Variants in PARD3B observed in about 807,000 individuals in gnomAD.
PARD3B encodes the protein par-3 family cell polarity regulator beta.
PARD3B carries 103 observed loss-of-function variants against 130.2 expected under a neutral mutation model. The ratio of observed to expected loss-of-function variants is 0.79; its 90% CI spans 0.67 to 0.93. The LOEUF (loss-of-function observed/expected upper bound fraction) is 0.93, where lower values mean the gene tolerates loss of function less well. PARD3B is among the 40% of genes least tolerant of loss of function. The pLI is 0.00. For synonymous variants in PARD3B, 583 were observed against 553.2 expected, an observed-to-expected ratio of 1.05 and a Z score of -0.76; for missense variants, 1,609 against 1,499.2, an observed-to-expected ratio of 1.07 and a Z score of -1.21.
At chr2:205,387,540 C>T (rs1371161230) in intron 18 of PARD3B, among the ~76,000 whole-genome samples, 2 of 152,080 alleles carry the variant, frequency 1.3e-5, no homozygotes, top group Non-Finnish European at 2.9e-5. Context: ...AGGATGGGTC[C>T]TGGAGAGTGT....
chr2:204,939,124 AT>A (rs199596778), intron 2 of PARD3B, among the ~76,000 whole-genome samples: 5 of 151,414 alleles, frequency 3.3e-5, no homozygotes, highest in East Asian at 1.9e-4. Context: ...TCACAAGTGC[AT>A]TTTTTTTTCT....
rs867128835 is a variant in PARD3B at position 205,563,103 on chromosome 2, T to C, written c.3260+9700T>C. On this transcript the variant is annotated intron_variant, in intron 22 of 22. Transcript: ENST00000406610. This position sits in a 1 kb window ranked among gnomAD's most constrained non-coding sequence, Gnocchi z 4.2. ...CCTCACCAAATGCATGAATACATGA[T>C]ATTATTCAACAGGAGTAATTAACAG... Among the ~76,000 whole-genome samples, 1 of 152,236 alleles carries C rather than the reference T, an allele frequency of 6.6e-6. No homozygotes were observed. The highest frequency in any genetic ancestry group is 2.4e-5 in the African/African-American group (1 of 41,462).
chr2:205,411,902 A>G (rs1056983934), intron 19 of PARD3B, among the ~76,000 whole-genome samples: 30 of 152,180 alleles, frequency 2.0e-4, no homozygotes, highest in Non-Finnish European at 4.3e-4. Context: ...GAAGGGACAC[A>G]AATGGTGTGG....
chr2:204,622,943 G>T (rs886812823), intron 1 of PARD3B, among the ~76,000 whole-genome samples: 9 of 152,144 alleles, frequency 5.9e-5, no homozygotes, highest in African/African-American at 1.9e-4. Context: ...AGTGAATATA[G>T]ATATTTCTAA....
chr2:205,493,952 G>T (rs1369341676), intron 20 of PARD3B, among the ~76,000 whole-genome samples: 1 of 151,754 alleles, frequency 6.6e-6, no homozygotes, highest in East Asian at 1.9e-4. Flanking sequence ...GTAGAGATGG[G>T]GTTTCACCAT....
intron 4 of PARD3B, among the ~76,000 whole-genome samples, chr2:205,053,588 C>A (rs928495464): frequency 6.7e-6 from 1 of 150,322 alleles, no homozygotes; most frequent in Admixed American, 6.7e-5. Flanking sequence ...TCCAGTGAGC[C>A]AAGATCGTGT....
chr2:204,662,498 A>G (rs1236986990), intron 1 of PARD3B, among the ~76,000 whole-genome samples: 5 of 152,206 alleles, frequency 3.3e-5, no homozygotes, highest in Non-Finnish European at 7.3e-5. Flanking sequence ...TGTTCCATGA[A>G]AACAGCAGGT....
Position 205,160,134 on chromosome 2 carries a change from G to A in PARD3B, c.1620+1227G>A, listed in dbSNP as rs1168769419. 1.3e-5 allele frequency among the ~76,000 whole-genome samples: 2 copies of A among 152,148 alleles called. No homozygotes were observed. Among genetic ancestry groups the A allele is most frequent in the Non-Finnish European group, 2.9e-5 (2 of 68,028 alleles). On this transcript the variant is annotated intron_variant, in intron 11 of 22. Coordinates refer to ENST00000406610, the MANE Select transcript of PARD3B (RefSeq NM_001302769.2). This position sits in a 1 kb window ranked among gnomAD's most constrained non-coding sequence, Gnocchi z 4.0. ...ATGCCTTTTTCACTGGGAAATAAAT[G>A]TACTTTGGACAGACACCTCTTCAGT... is the stretch of plus-strand genomic sequence containing the variant.
At chr2:204,575,955 G>A (rs2032237224) in intron 1 of PARD3B, among the ~76,000 whole-genome samples, 1 of 152,174 alleles carries the variant, frequency 6.6e-6, no homozygotes, top group South Asian at 2.1e-4. Context: ...TACATGGCTT[G>A]TAGGTCCTGC....
chr2:205,524,522 C>G (rs1437343757), intron 21 of PARD3B, among the ~76,000 whole-genome samples: 1 of 152,184 alleles, frequency 6.6e-6, no homozygotes, highest in Non-Finnish European at 1.5e-5. Flanking sequence ...GCCCTGACTT[C>G]TTTTTGGCCC....
intron 2 of PARD3B, among the ~76,000 whole-genome samples, chr2:204,814,926 G>A (rs1409249078): frequency 6.6e-6 from 1 of 151,738 alleles, no homozygotes; most frequent in Non-Finnish European, 1.5e-5. Flanking sequence ...ATTGTAATAA[G>A]TTCCACTTAG....
chr2:205,595,232 G>A (rs2054526005), intron 22 of PARD3B, among the ~76,000 whole-genome samples: 2 of 152,312 alleles, frequency 1.3e-5, no homozygotes, highest in East Asian at 3.9e-4. Flanking sequence ...AAAACTGTGG[G>A]AGCACCTGCC....
intron 2 of PARD3B, among the ~76,000 whole-genome samples, chr2:204,832,183 G>A (rs1190843572): frequency 7.2e-5 from 11 of 152,054 alleles, no homozygotes; most frequent in East Asian, 5.8e-4. Flanking sequence ...CTGAGATCAC[G>A]CCACTGCACT....
intron 2 of PARD3B, among the ~76,000 whole-genome samples, chr2:204,840,826 C>G (rs1436405243): frequency 2.0e-5 from 3 of 152,072 alleles, no homozygotes; most frequent in Non-Finnish European, 4.4e-5. Flanking sequence ...CAGTATATTG[C>G]TGTAATTATT....
rs575586363 is a variant in PARD3B, at chr2:205,078,791, T to C, written c.505-25635T>C. Among the ~76,000 whole-genome samples the C allele has an allele frequency of 2.0e-3, 303 of 152,344 alleles. 2 individuals carry two copies. Among genetic ancestry groups the C allele is most frequent in the African/African-American group, 7.0e-3 (293 of 41,584 alleles). On this transcript the variant is annotated intron_variant, in intron 4 of 22. Coordinates refer to ENST00000406610, the MANE Select transcript of PARD3B (RefSeq NM_001302769.2). The surrounding 1 kb of genome is among the most constrained non-coding windows in gnomAD (Gnocchi z 4.0). Reference sequence around the variant, plus strand: ...GGCTTCCATCTGATTCCCTTGGGCATTTGCTCTGGGACAAGCCAGATGCCA... The same window carrying C: ...GGCTTCCATCTGATTCCCTTGGGCACTTGCTCTGGGACAAGCCAGATGCCA...
At chr2:204,853,517 T>C (rs985385234) in intron 2 of PARD3B, among the ~76,000 whole-genome samples, 1 of 152,096 alleles carries the variant, frequency 6.6e-6, no homozygotes, top group African/African-American at 2.4e-5. Flanking sequence ...TTATACAGAA[T>C]AAGTCAGACG....
At position 204,668,661 on chromosome 2, in the gene PARD3B, G is replaced by A. The variant is rs540385207; in HGVS notation, c.121-17520G>A. ...TTTAATTCGGAATATTCTTAGTGCT[G>A]TTAAGACACCTTTTTCATAAAAAAG... On this transcript the variant is annotated intron_variant, in intron 1 of 22. Coordinates refer to ENST00000406610, the MANE Select transcript of PARD3B (RefSeq NM_001302769.2). Among the ~76,000 whole-genome samples the A allele has an allele frequency of 2.6e-5, 4 of 152,216 alleles. No individual in the cohort carries two copies. The South Asian group carries it at 8.3e-4, about 32-fold the overall frequency.
intron 2 of PARD3B, among the ~76,000 whole-genome samples, chr2:204,863,328 A>G (rs16836679): frequency 1.3e-5 from 2 of 152,056 alleles, no homozygotes; most frequent in Non-Finnish European, 2.9e-5. Context: ...CTGGAGCGCC[A>G]TCCTTGCATC....
At chr2:204,959,449 G>T (rs1690558914) in intron 2 of PARD3B, among the ~76,000 whole-genome samples, 1 of 152,144 alleles carries the variant, frequency 6.6e-6, no homozygotes, top group Admixed American at 6.5e-5. Context: ...GCATCTTCAT[G>T]TGTCTTTATA....
Sources: allele counts gnomAD v4.1 joint callset (sites outside exome capture counted in the v4.1 genomes callset), GRCh38; gene constraint gnomAD v4.1.1; non-coding constraint Gnocchi (gnomAD v3.1); transcripts MANE v1.5; gene names NCBI Gene and HGNC (gene_info 2026-07-23, HGNC 2026-07-21).